The following EFCAB5 variants were observed in gnomAD, a reference collection of about 807,000 sequenced individuals.
EFCAB5 encodes the protein EF-hand calcium binding domain 5.
In EFCAB5, 131 loss-of-function variants were observed where a neutral mutation model predicts 167.9. That is an observed-to-expected ratio of 0.78 (90% CI 0.68 to 0.90). The LOEUF is 0.90. Ranked by LOEUF, EFCAB5 falls within the 40% of genes least tolerant of loss-of-function variation. EFCAB5 has a pLI of 0.00. For synonymous variants in EFCAB5, 574 were observed against 602.8 expected (o/e 0.95, Z 0.70); for missense variants, 1,663 against 1,745.2 (o/e 0.95, Z 0.84).
intron 18 of EFCAB5, 138 bp downstream of exon 18, chr17:30,083,181 TGTGA>T (rs2071024267): frequency 4.8e-6 from 6 of 1,239,226 alleles, no homozygotes; most frequent in South Asian, 3.6e-5. Context: ...GACCCTTGGT[TGTGA>T]GTGACAGGAA....
chr17:30,026,033 G>T (rs191083762), intron 7 of EFCAB5, among the ~76,000 whole-genome samples: 11 of 151,822 alleles, frequency 7.2e-5, no homozygotes, highest in African/African-American at 1.5e-4. Flanking sequence ...GTGGGCGGAG[G>T]GGGGAGGGAT....
chr17:30,014,616 T>C (rs946197666), intron 7 of EFCAB5, among the ~76,000 whole-genome samples: 4 of 152,196 alleles, frequency 2.6e-5, no homozygotes, highest in Non-Finnish European at 5.9e-5. Flanking sequence ...GAAAGTAGGA[T>C]TGCAACCCCT....
At chr17:29,996,196 A>T (rs865994204) in intron 5 of EFCAB5, 116 bp from the exon 6 acceptor site, 2 of 776,954 alleles carry the variant, frequency 2.6e-6, no homozygotes, top group Non-Finnish European at 4.1e-6. Flanking sequence ...GGTTGGAAAG[A>T]TCACCCAATA....
At chr17:29,978,763 G>A (rs778552363) in intron 4 of EFCAB5, among the ~76,000 whole-genome samples, 69 of 152,322 alleles carry the variant, frequency 4.5e-4, no homozygotes, top group African/African-American at 1.3e-3. Context: ...AGGATTTTCC[G>A]TATAATTCCA....
intron 3 of EFCAB5, among the ~76,000 whole-genome samples, chr17:29,954,080 G>C (rs1223041034): frequency 6.6e-6 from 1 of 152,184 alleles, no homozygotes; most frequent in Non-Finnish European, 1.5e-5. Flanking sequence ...AGAGGAAGCA[G>C]AGCATAAAAG....
intron 7 of EFCAB5, among the ~76,000 whole-genome samples, chr17:30,025,907 A>G (rs1321638057): frequency 6.6e-6 from 1 of 152,018 alleles, no homozygotes; most frequent in Admixed American, 6.6e-5. Context: ...TTCTCAGTAA[A>G]CTATCGCAAG....
intron 8 of EFCAB5, among the ~76,000 whole-genome samples, chr17:30,034,896 G>T (rs1168019362): frequency 6.6e-6 from 1 of 152,146 alleles, no homozygotes; most frequent in South Asian, 2.1e-4. Flanking sequence ...GAAATTTGGG[G>T]TTCAAATTAT....
chr17:30,085,719 C>A (rs77977712), intron 18 of EFCAB5, among the ~76,000 whole-genome samples: 12 of 125,508 alleles, frequency 9.6e-5, no homozygotes, highest in Admixed American at 6.3e-4. Flanking sequence ...GACTCCGTCT[C>A]AAAAAAAAAA....
chr17:30,068,791 G>A (rs374458997), intron 14 of EFCAB5: 16 of 1,358,892 alleles, frequency 1.2e-5, no homozygotes, highest in Non-Finnish European at 1.5e-5. Context: ...CCGGGCCCGC[G>A]AAATGATTTC....
chr17:29,994,800 C>T (rs1181888213), intron 5 of EFCAB5, among the ~76,000 whole-genome samples: 1 of 151,846 alleles, frequency 6.6e-6, no homozygotes, highest in Non-Finnish European at 1.5e-5. Context: ...TTTTAAATGG[C>T]AAATAAATAA....
chr17:30,069,525 A>G (rs2070672901), intron 14 of EFCAB5: 1 of 1,610,594 alleles, frequency 6.2e-7, no homozygotes, highest in Middle Eastern at 1.7e-4. Context: ...GAAGGCAACG[A>G]AGACATAAGA....
At chr17:30,048,922 A>G (rs1469970303) in intron 8 of EFCAB5, among the ~76,000 whole-genome samples, 3 of 152,202 alleles carry the variant, frequency 2.0e-5, no homozygotes, top group Admixed American at 2.0e-4. Flanking sequence ...TTTTCTCTAG[A>G]GAAGTTTACA....
intron 4 of EFCAB5, among the ~76,000 whole-genome samples, chr17:29,989,579 G>C (rs1170096974): frequency 2.6e-5 from 4 of 152,270 alleles, no homozygotes; most frequent in South Asian, 4.1e-4. Context: ...TGGAATCATA[G>C]CAGGAGAAGA....
chr17:30,054,838 TA>T (rs1425034434), intron 10 of EFCAB5, among the ~76,000 whole-genome samples: 2 of 152,228 alleles, frequency 1.3e-5, no homozygotes, highest in Non-Finnish European at 2.9e-5. Flanking sequence ...ACCTTCTCAT[TA>T]GTCACTTAAT....
At chr17:29,997,624 T>C (rs2068574809) in intron 6 of EFCAB5, among the ~76,000 whole-genome samples, 1 of 152,168 alleles carries the variant, frequency 6.6e-6, no homozygotes, top group Non-Finnish European at 1.5e-5. Context: ...ATATAAGTTA[T>C]ATTCTTGGAA....
chr17:30,080,328 T>C, intron 16 of EFCAB5, 87 bp downstream of exon 16: 1 of 1,405,800 alleles, frequency 7.1e-7, no homozygotes, highest in Non-Finnish European at 9.4e-7. Context: ...CCCAGCTAGC[T>C]GCTCAAAAGA....
Position 30,053,580 on chromosome 17 carries a change from A to C in EFCAB5, c.1626A>C (p.Ser542=), listed in dbSNP as rs755061031. 2 of 1,614,014 alleles carry C rather than the reference A, an allele frequency of 1.2e-6. No homozygotes were observed. Among genetic ancestry groups the C allele is most frequent in the East Asian group, 4.5e-5 (2 of 44,890 alleles). ...PTAEQELYIE[S]VIEPGTHTES... ...CAGAGCAAGAACTGTACATAGAATC[A>C]GTAATAGAACCAGGAACACACACAG... The change falls in exon 10 of 23, where the codon TCA becomes TCC. Residue 542 remains serine, a synonymous_variant. Coordinates refer to ENST00000394835, the MANE Select transcript of EFCAB5 (RefSeq NM_198529.4).
In EFCAB5 at chr17:30,108,041, A is replaced by T; in HGVS notation, c.*17A>T. 1 of 1,593,046 alleles carries T rather than the reference A, an allele frequency of 6.3e-7. No homozygotes were observed. The highest frequency in any genetic ancestry group is 2.3e-5 in the East Asian group (1 of 43,806). On this transcript the variant is annotated 3_prime_UTR_variant, in exon 23 of 23. Transcript: ENST00000394835. Reference sequence around the variant, plus strand: ...GAGAAGTGATAATGGATGATAATGGAATTGATACTGTATTTAGGATCCTTT... The same window carrying T: ...GAGAAGTGATAATGGATGATAATGGTATTGATACTGTATTTAGGATCCTTT...
chr17:30,067,419 A>G (rs2070603394), intron 14 of EFCAB5, among the ~76,000 whole-genome samples: 1 of 152,186 alleles, frequency 6.6e-6, no homozygotes, highest in African/African-American at 2.4e-5. Context: ...GTTTGAGACT[A>G]GTCTGGGCAA....
Sources: gnomAD v4.1 joint callset for allele counts (sites outside exome capture counted in the v4.1 genomes callset) on GRCh38, gnomAD v4.1.1 for gene constraint, MANE v1.5 for transcripts, NCBI Gene and HGNC (gene_info 2026-07-23, HGNC 2026-07-21) for gene names.